Variants in USH2A observed in about 807,000 individuals in gnomAD.
USH2A encodes the protein Usher syndrome 2A (autosomal recessive, mild).
In USH2A, 443 loss-of-function variants were observed where a neutral mutation model predicts 538.9. The observed-to-expected ratio is 0.82, with a 90% CI of 0.76 to 0.89. The LOEUF (loss-of-function observed/expected upper bound fraction) is 0.89, where lower values mean the gene tolerates loss of function less well. Ranked by LOEUF, USH2A falls within the 40% of genes least tolerant of loss-of-function variation. USH2A has a pLI of 0.00. For synonymous variants in USH2A, 2,413 were observed against 2,273.5 expected (o/e 1.06, Z -1.75); for missense variants, 6,633 against 6,324.8 (o/e 1.05, Z -1.65).
chr1:215,747,488 GA>G (rs1433083220), intron 58 of USH2A, among the ~76,000 whole-genome samples: 1 of 152,120 alleles, frequency 6.6e-6, no homozygotes, highest in Non-Finnish European at 1.5e-5. Context: ...AATGAAATTT[GA>G]GAGCTGGATA....
chr1:216,269,653 G>A (rs1414749707), intron 11 of USH2A, among the ~76,000 whole-genome samples: 1 of 152,218 alleles, frequency 6.6e-6, no homozygotes, highest in East Asian at 1.9e-4. Flanking sequence ...AAAACACAGT[G>A]GAAGAATTGG....
intron 3 of USH2A, among the ~76,000 whole-genome samples, chr1:216,404,618 CTTTT>C (rs375562284): frequency 1.8e-5 from 2 of 110,046 alleles, no homozygotes; most frequent in Admixed American, 1.1e-4. Flanking sequence ...GAAACATAGG[CTTTT>C]TTTTTTTTTT....
Position 215,779,975 on chromosome 1 carries a change from C to A in USH2A, c.10807G>T (p.Ala3603Ser). ...CTCCAGCTCAGATGCAGAGCCACTG[C>A]ACTTAGGGCTGTGATGCTTGGTGGC... ...ILPPSITALS[A>S]VALHLSWSVP... The change falls in exon 55 of 72, where the codon GCA (alanine) becomes TCA (serine). Residue 3603 changes from alanine to serine, a missense_variant. Physicochemically the swap from Ala to Ser is moderately conservative, Grantham distance 99. Coordinates refer to ENST00000307340, the MANE Select transcript of USH2A (RefSeq NM_206933.4). The A allele has an allele frequency of 6.2e-7, 1 of 1,614,142 alleles. No individual in the cohort carries two copies. The highest frequency in any genetic ancestry group is 1.7e-5 in the Admixed American group (1 of 60,014).
At chr1:216,147,966 G>T (rs1347887583) in intron 21 of USH2A, among the ~76,000 whole-genome samples, 5 of 39,782 alleles carry the variant, frequency 1.3e-4, no homozygotes, top group South Asian at 1.0e-3. Context: ...TGGAACTCTG[G>T]CCCAAGGCTC....
rs78846678 is a variant in USH2A at position 216,138,942 on chromosome 1, G to C, written c.4627+36310C>G. On this transcript the variant is annotated intron_variant, in intron 21 of 71. Coordinates refer to ENST00000307340, the MANE Select transcript of USH2A (RefSeq NM_206933.4). Reference sequence around the variant, plus strand: ...AATGTGTGTGTGTGTGTGTGTGTGTGTATATATATGTGTGTGTATATATGG... The same window carrying C: ...AATGTGTGTGTGTGTGTGTGTGTGTCTATATATATGTGTGTGTATATATGG... Among the ~76,000 whole-genome samples, 7 of 144,850 alleles carry C rather than the reference G, an allele frequency of 4.8e-5. No homozygotes were observed. In the South Asian group the frequency reaches 1.5e-3, roughly 31 times the overall value.
chr1:215,850,910 T>C (rs957349946), intron 44 of USH2A, among the ~76,000 whole-genome samples: 6 of 152,090 alleles, frequency 3.9e-5, no homozygotes, highest in African/African-American at 9.7e-5. Flanking sequence ...ATGATGCCAA[T>C]ACATGGAAAT....
At chr1:216,083,315 C>G in intron 26 of USH2A, 141 bp downstream of exon 26, 1 of 964,678 alleles carries the variant, frequency 1.0e-6, no homozygotes, top group Non-Finnish European at 1.5e-6. Flanking sequence ...GACTTCAAAA[C>G]TAAAAATGAC....
intron 64 of USH2A, among the ~76,000 whole-genome samples, chr1:215,667,796 G>C (rs576866584): frequency 6.6e-6 from 1 of 152,144 alleles, no homozygotes; most frequent in South Asian, 2.1e-4. Context: ...TTCTATCACT[G>C]GCCAACTGAT....
intron 41 of USH2A, among the ~76,000 whole-genome samples, chr1:215,887,188 C>A (rs1359121207): frequency 6.6e-6 from 1 of 151,878 alleles, no homozygotes; most frequent in Non-Finnish European, 1.5e-5. Context: ...AGATCGGCCA[C>A]AATCAGTAAC....
chr1:215,888,471 C>T lies in USH2A; in HGVS notation c.8178G>A (p.Gly2726=), dbSNP rs771581716. ...GCACTGTCACCACAGGTGGCTGCAC[C>T]CCAGCAGGTCGTGAGGGTCTTGTGG... is the stretch of plus-strand genomic sequence containing the variant. The part of the protein sequence containing the change: ...EVTTRPSRPA[G]VQPPVVTVLE... Residue 2726 remains glycine, a synonymous_variant, in exon 41 of 72, where the codon GGG becomes GGA. Coordinates refer to ENST00000307340, the MANE Select transcript of USH2A (RefSeq NM_206933.4). The T allele has an allele frequency of 3.2e-5, 52 of 1,613,702 alleles. No homozygotes were observed. Among genetic ancestry groups the T allele is most frequent in the Non-Finnish European group, 3.6e-5 (42 of 1,180,016 alleles).
chr1:215,779,745 G>T (rs1437398005), intron 55 of USH2A, 98 bp downstream of exon 55: 3 of 1,421,532 alleles, frequency 2.1e-6, no homozygotes, highest in Non-Finnish European at 1.9e-6. Flanking sequence ...CTTTCGAAGT[G>T]ACCTCATATA....
Position 215,798,918 on chromosome 1 carries a change from TTG to T in USH2A, c.9945_9946del (p.Tyr3315Ter). On this transcript the variant is annotated stop_gained and frameshift_variant, in exon 50 of 72. Coordinates refer to ENST00000307340, the MANE Select transcript of USH2A (RefSeq NM_206933.4). LOFTEE classifies it high-confidence loss of function. ...CCTGGGCCCCTTACCTGGAAGGCGA[TTG>T]TACACCACTCCTTCTTCTCCACCAC... The T allele has an allele frequency of 6.2e-7, 1 of 1,614,062 alleles. No individual in the cohort carries two copies. The highest frequency in any genetic ancestry group is 8.5e-7 in the Non-Finnish European group (1 of 1,179,970).
Position 215,813,837 on chromosome 1 carries a change from G to A in USH2A, c.9638C>T (p.Pro3213Leu), listed in dbSNP as rs758383069. The change falls in exon 49 of 72, where the codon CCG (proline) becomes CTG (leucine). Residue 3213 changes from proline (P) to leucine (L), a missense_variant. Physicochemically the swap from Pro to Leu is moderately conservative, Grantham distance 98 (BLOSUM62 -3). Coordinates refer to ENST00000307340, the MANE Select transcript of USH2A (RefSeq NM_206933.4). Reference sequence around the variant, plus strand: ...AACTCCAGTAGAATTCAGAACAAACGGGATATACTTTTCTTCACAACAGCG... The same window carrying A: ...AACTCCAGTAGAATTCAGAACAAACAGGATATACTTTTCTTCACAACAGCG... ...GHRCCEEKYI[P>L]FVLNSTGVCC... is the part of the protein sequence containing the mutation. The A allele has an allele frequency of 1.7e-5, 27 of 1,613,726 alleles. No homozygotes were observed. The highest frequency in any genetic ancestry group is 3.3e-5 in the Admixed American group (2 of 59,968).
Position 216,263,533 on chromosome 1 carries a change from C to T in USH2A, c.1972-12435G>A, listed in dbSNP as rs556748134. ...AATGAAGGACAAACCATATGACCAT[C>T]TCAAAAGACAGAAACAGCATTTGAT... On this transcript the variant is annotated intron_variant, in intron 11 of 71. Coordinates refer to ENST00000307340, the MANE Select transcript of USH2A (RefSeq NM_206933.4). Among the ~76,000 whole-genome samples the T allele has an allele frequency of 2.9e-4, 44 of 152,242 alleles. 1 individual carries two copies. In the South Asian group the frequency reaches 8.3e-3, roughly 29 times the overall value.
intron 26 of USH2A, among the ~76,000 whole-genome samples, chr1:216,082,359 A>G (rs2031977499): frequency 6.6e-6 from 1 of 152,096 alleles, no homozygotes; most frequent in African/African-American, 2.4e-5. Flanking sequence ...ACACAAGAGG[A>G]CAAACAAATA....
intron 27 of USH2A, among the ~76,000 whole-genome samples, chr1:216,074,308 T>G (rs1202381669): frequency 7.1e-6 from 1 of 141,180 alleles, no homozygotes; most frequent in African/African-American, 2.7e-5. Context: ...AGTTTGAGAT[T>G]GCTGTAGCGT....
At chr1:215,659,912 A>G (rs998399355) in intron 64 of USH2A, among the ~76,000 whole-genome samples, 2 of 152,210 alleles carry the variant, frequency 1.3e-5, no homozygotes, top group African/African-American at 4.8e-5. Flanking sequence ...AACTTGCTAA[A>G]TCATTCAGGT....
At chr1:216,123,035 AC>A (rs1372669495) in intron 21 of USH2A, among the ~76,000 whole-genome samples, 1 of 152,192 alleles carries the variant, frequency 6.6e-6, no homozygotes, top group Non-Finnish European at 1.5e-5. Flanking sequence ...TCACCATGTG[AC>A]ACACACTGAG....
chr1:215,961,545 GA>G (rs572858628), intron 37 of USH2A, among the ~76,000 whole-genome samples: 12 of 150,680 alleles, frequency 8.0e-5, no homozygotes, highest in Admixed American at 5.3e-4. Flanking sequence ...AATATTGTTT[GA>G]AAAAAATAAA....
Sources: gnomAD v4.1 joint callset for allele counts (sites outside exome capture counted in the v4.1 genomes callset) on GRCh38, gnomAD v4.1.1 for gene constraint, MANE v1.5 for transcripts, NCBI Gene and HGNC (gene_info 2026-07-23, HGNC 2026-07-21) for gene names.